The following SLC19A1 variants were observed in gnomAD, a reference collection of about 807,000 sequenced individuals.
SLC19A1 encodes reduced folate transporter.
A neutral mutation model predicts 35.3 loss-of-function variants in SLC19A1; 37 were observed. That is an observed-to-expected ratio of 1.05 (90% confidence interval 0.81 to 1.38). The LOEUF (loss-of-function observed/expected upper bound fraction) is 1.38, where lower values mean the gene tolerates loss of function less well. Among genes scored for constraint, SLC19A1 ranks in the 40% most tolerant of loss-of-function variants. The probability of loss-of-function intolerance (pLI) is 0.00; values close to 1 mark genes in which losing one functional copy is unlikely to be tolerated. For synonymous variants in SLC19A1, 460 were observed against 398.5 expected (o/e 1.15, Z -1.84); for missense variants, 831 against 826.9 (o/e 1.00, Z -0.06).
intron 1 of SLC19A1, among the ~76,000 whole-genome samples, chr21:45,539,711 G>A (rs1201757910): frequency 2.0e-5 from 3 of 152,204 alleles, no homozygotes. Context: ...CTTAGGCAAA[G>A]CCATCAGCAT....
chr21:45,538,940 C>G (rs2078220300), intron 1 of SLC19A1, among the ~76,000 whole-genome samples: 1 of 152,148 alleles, frequency 6.6e-6, no homozygotes, highest in Non-Finnish European at 1.5e-5. Context: ...GAAGCACACT[C>G]GAGGGCGTGT....
In SLC19A1 at chr21:45,505,377, TCCGGGCCCC is replaced by T. The variant is rs749431242; in HGVS notation, c.498-6774_498-6766del. On this transcript the variant is annotated intron_variant, in intron 3 of 4. Transcript: ENST00000417954. ...CTGCAGCTATCAGCGTTCCCGGCCC[TCCGGGCCCC>T]CCTGGGCCCCCTGGGCCCCCTGGAA... 3.8e-6 allele frequency: 6 copies of T among 1,591,126 alleles called. No homozygotes were observed. The highest frequency in any genetic ancestry group is 4.3e-6 in the Non-Finnish European group (5 of 1,162,220).
intron 4 of SLC19A1, among the ~76,000 whole-genome samples, chr21:45,527,284 G>A (rs1419434226): frequency 6.7e-6 from 1 of 149,430 alleles, no homozygotes; most frequent in Non-Finnish European, 1.5e-5. Context: ...GTGAATAGCA[G>A]CTGGGTATGC....
In SLC19A1 at chr21:45,515,021, T is replaced by C. The variant is rs1568965128; in HGVS notation, c.*637A>G. 1.3e-6 allele frequency: 2 copies of C among 1,535,452 alleles called. No individual in the cohort carries two copies. Among genetic ancestry groups the C allele is most frequent in the African/African-American group, 1.4e-5 (1 of 71,718 alleles). ...AAGGACAGACAGGACCATGGAGGGC[T>C]GCCCTTAGGGTGGGAGAGAGGAACC... On this transcript the variant is annotated 3_prime_UTR_variant, in exon 6 of 6. Coordinates refer to ENST00000311124, the MANE Select transcript of SLC19A1 (RefSeq NM_194255.4).
Position 45,525,925 on chromosome 21 carries a change from G to A in SLC19A1, c.1185C>T (p.Leu395=), listed in dbSNP as rs372924981. ...TGTTGACCCCGAAGACCAGGGCACA[G>A]AGCTCTTTAGACAGAGAAGATGCAA... The part of the protein sequence containing the change: ...FQIASSLSKE[L]CALVFGVNTF... The change falls in exon 5 of 6, where the codon CTC becomes CTT. Residue 395 remains leucine, a synonymous_variant. Transcript: ENST00000311124. 2.5e-6 allele frequency: 4 copies of A among 1,613,616 alleles called. No homozygotes were observed. Among genetic ancestry groups the A allele is most frequent in the Admixed American group, 1.7e-5 (1 of 60,032 alleles).
In SLC19A1 at chr21:45,534,092, A is replaced by T. The variant is rs191413005; in HGVS notation, c.190-1944T>A. On this transcript the variant is annotated intron_variant, in intron 2 of 5. Coordinates refer to ENST00000311124, the MANE Select transcript of SLC19A1 (RefSeq NM_194255.4). This position sits in a 1 kb window ranked among gnomAD's most constrained non-coding sequence, Gnocchi z 4.2. ...CCTCCGGCACTCCGTCCTGCTCAGG[A>T]CATTCCGGGACACTCTGAGGGCAGG... Among the ~76,000 whole-genome samples, 597 of 152,198 alleles carry T rather than the reference A, an allele frequency of 3.9e-3. 5 individuals are homozygous for T. The highest frequency in any genetic ancestry group is 0.014 in the African/African-American group (567 of 41,536).
chr21:45,529,996 GTGTGTGTGGTGTGTGTCCA>G (rs922340958), intron 4 of SLC19A1, among the ~76,000 whole-genome samples: 3 of 150,792 alleles, frequency 2.0e-5, no homozygotes, highest in Non-Finnish European at 4.4e-5. Context: ...GTGGGTGTCC[GTGTGTGTGGTGTGTGTCCA>G]TGTGTAAGTA....
At chr21:45,506,294 G>A (rs2037199472) in intron 3 of SLC19A1, 2 of 378,252 alleles carry the variant, frequency 5.3e-6, no homozygotes, top group East Asian at 6.4e-5. Context: ...ACGGGACGAG[G>A]CGGCAGGGGG....
Position 45,515,591 on chromosome 21 carries a change from C to T in SLC19A1, c.*67G>A. The T allele has an allele frequency of 1.3e-6, 2 of 1,598,040 alleles. No individual in the cohort carries two copies. The highest frequency in any genetic ancestry group is 1.7e-6 in the Non-Finnish European group (2 of 1,176,206). On this transcript the variant is annotated 3_prime_UTR_variant, in exon 6 of 6. Transcript: ENST00000311124. ...GCCCCCATTGCTAAGGCAGGCGGCCCTCGAGGCAGGGGTCGTGGGGATGCA... is the reference window on the plus strand; with the variant it reads ...GCCCCCATTGCTAAGGCAGGCGGCCTTCGAGGCAGGGGTCGTGGGGATGCA...
chr21:45,507,770 C>T (rs1032152291), downstream of SLC19A1, among the ~76,000 whole-genome samples: 8 of 152,166 alleles, frequency 5.3e-5, no homozygotes, highest in African/African-American at 1.4e-4. Flanking sequence ...TCTGTCTCAG[C>T]GCTGGCCCCC....
At chr21:45,525,209 C>T (rs2077566809) in intron 5 of SLC19A1, among the ~76,000 whole-genome samples, 1 of 152,224 alleles carries the variant, frequency 6.6e-6, no homozygotes, top group Non-Finnish European at 1.5e-5. Context: ...CCTTGTCCCA[C>T]CCGCCAAGGG....
rs1390690617 is a variant in SLC19A1, at chr21:45,517,890, G to A, written c.1294-1750C>T. Among the ~76,000 whole-genome samples the A allele has an allele frequency of 3.3e-5, 5 of 152,094 alleles. No individual in the cohort carries two copies. Among genetic ancestry groups the A allele is most frequent in the Non-Finnish European group, 5.9e-5 (4 of 68,020 alleles). ...GACTTCCACCCCACCTGCCTGTAGC[G>A]AGGTGCACACCCCGCTTGACCTGCA... On this transcript the variant is annotated intron_variant, in intron 5 of 5. Transcript: ENST00000311124. This position sits in a 1 kb window ranked among gnomAD's most constrained non-coding sequence, Gnocchi z 4.4.
intron 5 of SLC19A1, among the ~76,000 whole-genome samples, chr21:45,520,421 T>C (rs528204066): frequency 3.3e-5 from 5 of 151,788 alleles, no homozygotes; most frequent in Non-Finnish European, 7.4e-5. Context: ...ACGTAGAAAA[T>C]CTCAAGGAAT....
downstream of SLC19A1, chr21:45,511,284 G>A: frequency 1.1e-6 from 1 of 923,350 alleles, no homozygotes; most frequent in Non-Finnish European, 1.7e-6. Flanking sequence ...AAGGCGGGCG[G>A]GCGGGCTCCT....
At chr21:45,509,319 TCCC>T (rs749103235), downstream of SLC19A1, 3 of 1,533,898 alleles carry the variant, frequency 2.0e-6, no homozygotes, top group Non-Finnish European at 2.6e-6. Context: ...ACCCGGAGGG[TCCC>T]CCCGCCGACA....
rs776729245 is a variant in SLC19A1 at position 45,530,955 on chromosome 21, G to A, written c.966C>T (p.Phe322=). Residue 322 remains phenylalanine (F), a synonymous_variant, in exon 4 of 6, where the codon TTC becomes TTT. Coordinates refer to ENST00000311124, the MANE Select transcript of SLC19A1 (RefSeq NM_194255.4). This position sits in a 1 kb window ranked among gnomAD's most constrained non-coding sequence, Gnocchi z 5.3. ...AGCGGATCTTCACGAAGCCCGCGGCGAAGGACGTGATGGCGCCTGAGAGGG... is the reference window on the plus strand; with the variant it reads ...AGCGGATCTTCACGAAGCCCGCGGCAAAGGACGTGATGGCGCCTGAGAGGG... ...ASTLLGAITS[F]AAGFVKIRWA... is the part of the protein sequence containing the mutation. 4 of 1,440,744 alleles carry A rather than the reference G, an allele frequency of 2.8e-6. No individual in the cohort carries two copies. The highest frequency in any genetic ancestry group is 2.8e-5 in the East Asian group (1 of 36,196). The allele number at this position is 1,440,744 out of a possible 1,614,324, so 89.2% of individuals were successfully genotyped here.
Position 45,538,578 on chromosome 21 carries a change from G to A in SLC19A1, c.-49-570C>T, listed in dbSNP as rs189341407. Among the ~76,000 whole-genome samples the A allele has an allele frequency of 2.1e-3, 316 of 152,300 alleles. 1 individual carries two copies. Among genetic ancestry groups the A allele is most frequent in the African/African-American group, 7.2e-3 (298 of 41,576 alleles). ...CCAGCCTCAGGTCCCCATCAGCCGC[G>A]TGCCCTGGCAGGAGGGCGTGCAGGC... On this transcript the variant is annotated intron_variant, in intron 1 of 5. Coordinates refer to ENST00000311124, the MANE Select transcript of SLC19A1 (RefSeq NM_194255.4).
rs1377455842 is a variant in SLC19A1, at chr21:45,515,165, A to T, written c.*493T>A. 1 of 289,328 alleles carries T rather than the reference A, an allele frequency of 3.5e-6. No individual in the cohort carries two copies. The allele number at this position is 289,328 out of a possible 1,614,324, so 17.9% of individuals were successfully genotyped here. A position where few individuals can be genotyped will look rare whatever the true frequency, so the allele number is the denominator to read the frequency against. On this transcript the variant is annotated 3_prime_UTR_variant, in exon 6 of 6. Coordinates refer to ENST00000311124, the MANE Select transcript of SLC19A1 (RefSeq NM_194255.4). The stretch of plus-strand genomic sequence containing the variant: ...GCAGTTCTTCATTCTACGTCAGTTA[A>T]AAAAAAAAAAAGCATCTTTCAAAAA...
intron 5 of SLC19A1, among the ~76,000 whole-genome samples, chr21:45,520,238 T>C (rs2077397640): frequency 6.6e-6 from 1 of 151,364 alleles, no homozygotes. Context: ...AGAGGAAAAG[T>C]CTCAAATCAA....
Sources: allele counts gnomAD v4.1 joint callset (sites outside exome capture counted in the v4.1 genomes callset), GRCh38; gene constraint gnomAD v4.1.1; non-coding constraint Gnocchi (gnomAD v3.1); transcripts MANE v1.5; gene names NCBI Gene and HGNC (gene_info 2026-07-23, HGNC 2026-07-21).